The following SRMS variants were observed in gnomAD, a reference collection of about 807,000 sequenced individuals.
The protein encoded by SRMS is tyrosine-protein kinase Srms.
SRMS carries 42 observed loss-of-function variants against 43.5 expected under a neutral mutation model. The ratio of observed to expected loss-of-function variants is 0.97; its 90% CI spans 0.75 to 1.25. The LOEUF (loss-of-function observed/expected upper bound fraction) is 1.25, where lower values mean the gene tolerates loss of function less well. SRMS is among the 50% of genes most tolerant of loss of function. SRMS has a pLI of 0.00. For synonymous variants in SRMS, 316 were observed against 308.2 expected (o/e 1.03, Z -0.27); for missense variants, 703 against 681.0 (o/e 1.03, Z -0.36).
chr20:63,541,729 G>A lies in SRMS; in HGVS notation c.947-109C>T, dbSNP rs186573648. The A allele has an allele frequency of 4.9e-4, 647 of 1,325,558 alleles. No individual in the cohort carries two copies. In the African/African-American group the frequency reaches 7.9e-3, roughly 16 times the overall value. 82.1% of individuals were successfully genotyped at this position (1,325,558 alleles called of 1,614,324 possible). A position where few individuals can be genotyped will look rare whatever the true frequency, so the allele number is the denominator to read the frequency against. On this transcript the variant is annotated intron_variant, in intron 5 of 7. Coordinates refer to ENST00000217188, the MANE Select transcript of SRMS (RefSeq NM_080823.4). ...GCCTCAGCCTCCTCATCTCTAAGAC[G>A]TGGCGAGGATGGCATGGCCGGCTAA...
chr20:63,545,246 C>A (rs535795647), intron 1 of SRMS, among the ~76,000 whole-genome samples: 1 of 152,290 alleles, frequency 6.6e-6, no homozygotes, highest in African/African-American at 2.4e-5. Context: ...GAAATGCTCC[C>A]AGCCCCACCC....
Position 63,541,363 on chromosome 20 carries a change from G to A in SRMS, c.1129-16C>T, listed in dbSNP as rs149246590. ...AGATGTCGTCCTGGGGGCGAGGGAA[G>A]GCCCCTGGTAGGGCAGGTGGACCGG... On this transcript the variant is annotated splice_polypyrimidine_tract_variant and intron_variant, in intron 6 of 7. Transcript: ENST00000217188. The A allele has an allele frequency of 6.5e-7, 1 of 1,540,366 alleles. No homozygotes were observed. Among genetic ancestry groups the A allele is most frequent in the Non-Finnish European group, 8.7e-7 (1 of 1,145,862 alleles).
rs2082692676 is a variant in SRMS at position 63,539,800 on chromosome 20, C to G, written c.*1018G>C. On this transcript the variant is annotated 3_prime_UTR_variant, in exon 8 of 8. Coordinates refer to ENST00000217188, the MANE Select transcript of SRMS (RefSeq NM_080823.4). ...TCTACCTCCGAGCCCCCAACCGACC[C>G]TGCCTGACCCTGCACAGGCAGAAGA... Among the ~76,000 whole-genome samples, 2 of 152,190 alleles carry G rather than the reference C, an allele frequency of 1.3e-5. No individual in the cohort carries two copies. Among genetic ancestry groups the G allele is most frequent in the South Asian group, 4.1e-4 (2 of 4,822 alleles).
intron 7 of SRMS, 42 bp downstream of exon 7, chr20:63,541,149 G>A: frequency 1.3e-6 from 2 of 1,549,944 alleles, no homozygotes; most frequent in Non-Finnish European, 1.7e-6. Flanking sequence ...AGTGACTCCT[G>A]GGCAGAGCCT....
rs1281556631 is a variant in SRMS at position 63,539,049 on chromosome 20, C to G, written c.*1769G>C. Among the ~76,000 whole-genome samples, 1 of 152,092 alleles carries G rather than the reference C, an allele frequency of 6.6e-6. No homozygotes were observed. Among genetic ancestry groups the G allele is most frequent in the Non-Finnish European group, 1.5e-5 (1 of 67,988 alleles). On this transcript the variant is annotated 3_prime_UTR_variant, in exon 8 of 8. Transcript: ENST00000217188. ...GCGAGGCCTTCTGTGCCAGAGGAGC[C>G]CCCAGGCTGCTGTGCTGGGGACCTG... is the stretch of plus-strand genomic sequence containing the variant.
At chr20:63,542,932 C>T (rs933916681) in intron 3 of SRMS, among the ~76,000 whole-genome samples, 1 of 152,208 alleles carries the variant, frequency 6.6e-6, no homozygotes, top group African/African-American at 2.4e-5. Context: ...GATCCAGTGT[C>T]TCCAGCCCAG....
intron 3 of SRMS, among the ~76,000 whole-genome samples, chr20:63,542,811 GTCTA>G (rs2082712060): frequency 1.3e-5 from 2 of 152,150 alleles, no homozygotes; most frequent in Non-Finnish European, 1.5e-5. Context: ...CCGGATATCC[GTCTA>G]CACATGCTCA....
Position 63,542,334 on chromosome 20 carries a change from G to A in SRMS, c.788-13C>T. 1 of 1,604,482 alleles carries A rather than the reference G, an allele frequency of 6.2e-7. No individual in the cohort carries two copies. The highest frequency in any genetic ancestry group is 8.5e-7 in the Non-Finnish European group (1 of 1,173,314). On this transcript the variant is annotated splice_polypyrimidine_tract_variant and intron_variant, in intron 4 of 7. Coordinates refer to ENST00000217188, the MANE Select transcript of SRMS (RefSeq NM_080823.4). ...AGCTTCATGTTGGCTGCGAGAGAGG[G>A]TGTGGCTCCAGGACCGGCCCACGCC...
rs569180299 is a variant in SRMS at position 63,541,063 on chromosome 20, T to C, written c.1286-64A>G. ...GGGGGTCCCTATGGAGGAGGCCTCCTGTAGCCCCCCATGTCATCTGCCTGC... is the reference window on the plus strand; with the variant it reads ...GGGGGTCCCTATGGAGGAGGCCTCCCGTAGCCCCCCATGTCATCTGCCTGC... On this transcript the variant is annotated intron_variant, in intron 7 of 7. Coordinates refer to ENST00000217188, the MANE Select transcript of SRMS (RefSeq NM_080823.4). The C allele has an allele frequency of 9.0e-5, 143 of 1,594,250 alleles. No homozygotes were observed. The South Asian group carries it at 1.5e-3, about 17-fold the overall frequency.
At chr20:63,541,140 G>C in intron 7 of SRMS, 51 bp downstream of exon 7, 1 of 1,548,528 alleles carries the variant, frequency 6.5e-7, no homozygotes. Flanking sequence ...CCCGGGGCCA[G>C]TGACTCCTGG....
chr20:63,539,779 C>T lies in SRMS; in HGVS notation c.*1039G>A, dbSNP rs2082692485. Among the ~76,000 whole-genome samples, 1 of 152,196 alleles carries T rather than the reference C, an allele frequency of 6.6e-6. No individual in the cohort carries two copies. Among genetic ancestry groups the T allele is most frequent in the South Asian group, 2.1e-4 (1 of 4,826 alleles). On this transcript the variant is annotated 3_prime_UTR_variant, in exon 8 of 8. Coordinates refer to ENST00000217188, the MANE Select transcript of SRMS (RefSeq NM_080823.4). ...GCTGCCCAGCATACCATGGCATCTA[C>T]CTCCGAGCCCCCAACCGACCCTGCC...
At position 63,541,460 on chromosome 20, in the gene SRMS, G is replaced by A. The variant is rs529367104; in HGVS notation, c.1107C>T (p.Phe369=). Residue 369 remains phenylalanine, a synonymous_variant, in exon 6 of 8, where the codon TTC becomes TTT. Coordinates refer to ENST00000217188, the MANE Select transcript of SRMS (RefSeq NM_080823.4). ...DDGLACKVAD[F]GLARLLKDDI... is the part of the protein sequence containing the mutation. ...TGACCTTGAGCAGCCGGGCCAGGCC[G>A]AAGTCAGCCACCTTGCAGGCCAGGC... The A allele has an allele frequency of 2.8e-4, 453 of 1,605,558 alleles. No homozygotes were observed. In the Admixed American group the frequency reaches 3.4e-3, roughly 12 times the overall value.
chr20:63,540,970 TCTGCTG>T lies in SRMS; in HGVS notation c.1309_1314del (p.Gln437_Gln438del), dbSNP rs1285505271. 1 of 1,608,372 alleles carries T rather than the reference TCTGCTG, an allele frequency of 6.2e-7. No homozygotes were observed. The highest frequency in any genetic ancestry group is 1.3e-5 in the African/African-American group (1 of 74,852). On this transcript the variant is annotated inframe_deletion, in exon 8 of 8. Coordinates refer to ENST00000217188, the MANE Select transcript of SRMS (RefSeq NM_080823.4). Reference sequence around the variant, plus strand: ...CGCGGCAGCCGGTACCCTCGCATGATCTGCTGCAGCGTCTCGTGGTTGGTCATCCCT... The same window carrying T: ...CGCGGCAGCCGGTACCCTCGCATGATCAGCGTCTCGTGGTTGGTCATCCCT...
In SRMS at chr20:63,542,191, G is replaced by T. The variant is rs1367145324; in HGVS notation, c.918C>A (p.Arg306=). ...EPVYIVTELM[R]KGNLQAFLGT... ...CCAGGAAGGCCTGCAGGTTCCCCTT[G>T]CGCATGAGTTCCGTGACGATGTACA... The change falls in exon 5 of 8, where the codon CGC becomes CGA. Residue 306 remains arginine (R), a synonymous_variant. Transcript: ENST00000217188. The T allele has an allele frequency of 4.3e-6, 7 of 1,611,366 alleles. No homozygotes were observed. The Admixed American group carries it at 5.0e-5, about 12-fold the overall frequency.
At chr20:63,541,720 C>A in intron 5 of SRMS, 100 bp from the exon 6 acceptor site, 2 of 1,355,028 alleles carry the variant, frequency 1.5e-6, no homozygotes, top group South Asian at 1.5e-5. Context: ...GCCTCCTCAT[C>A]TCTAAGACGT....
At chr20:63,543,706 GA>G in intron 2 of SRMS, 1 of 543,568 alleles carries the variant, frequency 1.8e-6, no homozygotes, top group South Asian at 2.8e-5. Flanking sequence ...GGTGTGCACA[GA>G]GTAGGCACTT....
At position 63,541,328 on chromosome 20, in the gene SRMS, C is replaced by T; in HGVS notation, c.1148G>A (p.Ser383Asn). The T allele has an allele frequency of 6.5e-7, 1 of 1,542,456 alleles. No homozygotes were observed. The highest frequency in any genetic ancestry group is 8.7e-7 in the Non-Finnish European group (1 of 1,146,692). Residue 383 changes from serine (S) to asparagine (N), a missense_variant, in exon 7 of 8, where the codon AGC becomes AAC. By Grantham distance (46) the Ser-to-Asn change is conservative (BLOSUM62 1). Coordinates refer to ENST00000217188, the MANE Select transcript of SRMS (RefSeq NM_080823.4). ...RLLKDDIYSP[S>N]SSSKIPVKWT... ...CTTGACCGGGATCTTGGAGCTGCTG[C>T]TCGGGGAGTAGATGTCGTCCTGGGG...
rs201255475 is a variant in SRMS at position 63,547,290 on chromosome 20, C to T, written c.174G>A (p.Ala58=). ...PCSPFPQLFL[A]LYDFTARCGG... is the part of the protein sequence containing the mutation. ...CACACCGCGCCGTGAAGTCATAGAGCGCAAGGAAGAGCTGAGGGAAGGGGC... is the reference window on the plus strand; with the variant it reads ...CACACCGCGCCGTGAAGTCATAGAGTGCAAGGAAGAGCTGAGGGAAGGGGC... The change falls in exon 1 of 8, where the codon GCG becomes GCA. Residue 58 remains alanine, a synonymous_variant. Transcript: ENST00000217188. 38 of 1,606,214 alleles carry T rather than the reference C, an allele frequency of 2.4e-5. No homozygotes were observed. The highest frequency in any genetic ancestry group is 2.7e-5 in the African/African-American group (2 of 74,734).
chr20:63,540,865 C>T lies in SRMS; in HGVS notation c.1420G>A (p.Ala474Thr), dbSNP rs992148944. 3 of 1,605,912 alleles carry T rather than the reference C, an allele frequency of 1.9e-6. No individual in the cohort carries two copies. Among genetic ancestry groups the T allele is most frequent in the East Asian group, 2.2e-5 (1 of 44,846 alleles). Residue 474 changes from alanine (A) to threonine (T), a missense_variant, in exon 8 of 8, where the codon GCC (alanine) becomes ACC (threonine). Physicochemically the swap from Ala to Thr is moderately conservative, Grantham distance 58. Transcript: ENST00000217188. Reference protein sequence around the residue: ...RSSPEERPSFATLREKLHAIH... With the variant: ...RSSPEERPSFTTLREKLHAIH... ...GCGTGCAGCTTCTCCCGCAGCGTGG[C>T]GAAGGAGGGCCGTTCCTCGGGGCTG...
Sources: gnomAD v4.1 joint callset for allele counts (sites outside exome capture counted in the v4.1 genomes callset) on GRCh38, gnomAD v4.1.1 for gene constraint, MANE v1.5 for transcripts, NCBI Gene and HGNC (gene_info 2026-07-23, HGNC 2026-07-21) for gene names.